PRKN: variants seen among roughly 807,000 people sequenced by gnomAD.
PRKN encodes the protein parkin RBR E3 ubiquitin protein ligase.
PRKN carries 56 observed loss-of-function variants against 59.5 expected under a neutral mutation model. The observed-to-expected ratio is 0.94, with a 90% CI of 0.76 to 1.18. The LOEUF (loss-of-function observed/expected upper bound fraction) is 1.18, where lower values mean the gene tolerates loss of function less well. Among genes scored for constraint, PRKN ranks in the 50% most tolerant of loss-of-function variants. The pLI is 0.00. For missense variants in PRKN, 657 were observed against 596.4 expected, an observed-to-expected ratio of 1.10 and a Z score of -1.06; for synonymous variants, 250 against 222.1, an observed-to-expected ratio of 1.13 and a Z score of -1.12.
chr6:161,610,220 C>T (rs1782436711), intron 7 of PRKN, among the ~76,000 whole-genome samples: 1 of 152,072 alleles, frequency 6.6e-6, no homozygotes, highest in Admixed American at 6.5e-5. Context: ...CCCAGCGTTG[C>T]ATGGGAGCTG....
chr6:161,936,620 G>A (rs1485687872), intron 6 of PRKN, among the ~76,000 whole-genome samples: 3 of 152,054 alleles, frequency 2.0e-5, no homozygotes, highest in Non-Finnish European at 4.4e-5. Context: ...CAAAGCTTTA[G>A]CAGAAACATG....
At chr6:161,964,758 T>C (rs1450871037) in intron 6 of PRKN, among the ~76,000 whole-genome samples, 1 of 152,052 alleles carries the variant, frequency 6.6e-6, no homozygotes, top group Non-Finnish European at 1.5e-5. Context: ...AGTTTAACTT[T>C]TTGTACGTAT....
At chr6:162,478,423 A>T (rs1792131467) in intron 1 of PRKN, among the ~76,000 whole-genome samples, 1 of 152,166 alleles carries the variant, frequency 6.6e-6, no homozygotes, top group Non-Finnish European at 1.5e-5. Context: ...AAGACCTTGA[A>T]CTAAACCCTT....
intron 2 of PRKN, among the ~76,000 whole-genome samples, chr6:162,310,157 G>C (rs1490585754): frequency 1.3e-5 from 2 of 152,140 alleles, no homozygotes; most frequent in Non-Finnish European, 2.9e-5. Flanking sequence ...AAAGATAAGA[G>C]CTAAAGTCCC....
At chr6:161,692,673 G>T (rs977751583) in intron 7 of PRKN, among the ~76,000 whole-genome samples, 1 of 152,232 alleles carries the variant, frequency 6.6e-6, no homozygotes, top group African/African-American at 2.4e-5. Flanking sequence ...GGGAGGCTGA[G>T]GGGGGCGGAT....
intron 2 of PRKN, among the ~76,000 whole-genome samples, chr6:162,345,616 G>A (rs943413678): frequency 6.6e-6 from 1 of 152,126 alleles, no homozygotes; most frequent in Admixed American, 6.5e-5. Context: ...TTTGATGCAC[G>A]CAATTTTAAA....
chr6:161,976,924 G>A (rs1747356380), intron 5 of PRKN, among the ~76,000 whole-genome samples: 1 of 152,194 alleles, frequency 6.6e-6, no homozygotes, highest in African/African-American at 2.4e-5. Flanking sequence ...CCAGATAAAA[G>A]CCTTTTTATT....
intron 2 of PRKN, among the ~76,000 whole-genome samples, chr6:162,276,690 G>GGTGT (rs34824370): frequency 6.6e-6 from 1 of 150,400 alleles, no homozygotes; most frequent in East Asian, 2.0e-4. Flanking sequence ...AACAGAAGCT[G>GGTGT]GTGTGTGTGT....
intron 4 of PRKN, among the ~76,000 whole-genome samples, chr6:162,142,631 G>T (rs1781837501): frequency 6.6e-6 from 1 of 152,118 alleles, no homozygotes; most frequent in African/African-American, 2.4e-5. Context: ...CAAATTATTT[G>T]AGTTAATATT....
chr6:162,510,914 C>G (rs562905229), intron 1 of PRKN, among the ~76,000 whole-genome samples: 12 of 151,914 alleles, frequency 7.9e-5, no homozygotes, highest in African/African-American at 2.9e-4. Flanking sequence ...TAGAGCGAGA[C>G]TCAGTCTCAA....
Position 162,282,217 on chromosome 6 carries a change from T to A in PRKN, c.172-19452A>T, listed in dbSNP as rs139859684. On this transcript the variant is annotated intron_variant, in intron 2 of 11. Transcript: ENST00000366898. The stretch of plus-strand genomic sequence containing the variant: ...TCAAAGGCAGAATTAATGGATGTTC[T>A]AATTTACTATGGAGGCAACATAGCA... Among the ~76,000 whole-genome samples, 16 of 152,296 alleles carry A rather than the reference T, an allele frequency of 1.1e-4. No homozygotes were observed. The East Asian group carries it at 3.1e-3, about 29-fold the overall frequency.
chr6:161,729,824 G>C (rs974789770), intron 7 of PRKN, among the ~76,000 whole-genome samples: 4 of 152,042 alleles, frequency 2.6e-5, no homozygotes, highest in Admixed American at 6.6e-5. Context: ...TGCATATTCT[G>C]ACATGTTGCA....
intron 5 of PRKN, among the ~76,000 whole-genome samples, chr6:162,018,172 G>C (rs956274327): frequency 1.3e-5 from 2 of 152,038 alleles, no homozygotes; most frequent in African/African-American, 4.8e-5. Flanking sequence ...GACTACAGGC[G>C]CCCATCGCCA....
chr6:162,267,306 G>C (rs1164914635), intron 2 of PRKN: 1 of 149,500 alleles, frequency 6.7e-6, no homozygotes, highest in Admixed American at 6.6e-5. Flanking sequence ...ACAGACAGTG[G>C]ACTCACACAC....
At chr6:162,479,806 G>A (rs1027636081) in intron 1 of PRKN, among the ~76,000 whole-genome samples, 6 of 150,206 alleles carry the variant, frequency 4.0e-5, no homozygotes, top group South Asian at 2.1e-4. Context: ...AGTGGCTCAC[G>A]CCTGTAATCC....
chr6:162,185,524 C>T (rs537915463), intron 4 of PRKN, among the ~76,000 whole-genome samples: 50 of 152,228 alleles, frequency 3.3e-4, no homozygotes, highest in African/African-American at 1.2e-3. Context: ...CAAGAGGTTC[C>T]GGTGTTATCT....
chr6:162,717,646 T>G (rs1384273411), intron 1 of PRKN, among the ~76,000 whole-genome samples: 1 of 151,100 alleles, frequency 6.6e-6, no homozygotes, highest in Non-Finnish European at 1.5e-5. Context: ...TAAAAGTCAC[T>G]AAACTTGTGG....
intron 5 of PRKN, among the ~76,000 whole-genome samples, chr6:162,012,000 A>G (rs1308515588): frequency 1.3e-5 from 2 of 152,062 alleles, no homozygotes; most frequent in Non-Finnish European, 2.9e-5. Context: ...ACTACACTAC[A>G]CTGTGCTATG....
At chr6:161,975,087 T>C (rs1455213384) in intron 5 of PRKN, among the ~76,000 whole-genome samples, 1 of 119,144 alleles carries the variant, frequency 8.4e-6, no homozygotes, top group Non-Finnish European at 1.8e-5. Context: ...ATATACTTCT[T>C]TTTTTTTTTT....
Sources: gnomAD v4.1 joint callset for allele counts (sites outside exome capture counted in the v4.1 genomes callset) on GRCh38, gnomAD v4.1.1 for gene constraint, MANE v1.5 for transcripts, NCBI Gene and HGNC (gene_info 2026-07-23, HGNC 2026-07-21) for gene names.